The following DNAH9 variants were observed in gnomAD, a reference collection of about 807,000 sequenced individuals.
DNAH9 encodes the protein DNAH9 variant protein.
Under a neutral mutation model 471.6 loss-of-function variants are expected in DNAH9, and 345 were observed. The ratio of observed to expected loss-of-function variants is 0.73; its 90% CI spans 0.67 to 0.80. DNAH9 has a LOEUF of 0.80. DNAH9 is among the 30% of genes least tolerant of loss of function. The probability of loss-of-function intolerance (pLI) is 0.00; values close to 1 mark genes in which losing one functional copy is unlikely to be tolerated. For missense variants in DNAH9, 5,407 were observed against 5,609.2 expected, an observed-to-expected ratio of 0.96 and a Z score of 1.15; for synonymous variants, 2,093 against 2,123.6, an observed-to-expected ratio of 0.99 and a Z score of 0.40.
Position 11,636,644 on chromosome 17 carries a change from T to G in DNAH9, c.1646T>G (p.Ile549Arg). The change falls in exon 9 of 69, where the codon ATA (isoleucine) becomes AGA (arginine). Residue 549 changes from isoleucine (I) to arginine (R), a missense_variant. Transcript: ENST00000262442. ...GLEHAFKLLDIAGNLLERPLV... is the reference protein window; with the variant it reads ...GLEHAFKLLDRAGNLLERPLV... ...CCACCTTCCCTACAGCTGCTAGACATAGCAGGAAACCTCCTTGAAAGACCG... is the reference window on the plus strand; with the variant it reads ...CCACCTTCCCTACAGCTGCTAGACAGAGCAGGAAACCTCCTTGAAAGACCG... 7 of 1,613,778 alleles carry G rather than the reference T, an allele frequency of 4.3e-6. No homozygotes were observed. Among genetic ancestry groups the G allele is most frequent in the Non-Finnish European group, 4.2e-6 (5 of 1,179,710 alleles).
chr17:11,902,630 TAAGA>T, intron 59 of DNAH9, 85 bp from the exon 60 acceptor site: 1 of 1,183,476 alleles, frequency 8.4e-7, no homozygotes, highest in South Asian at 1.4e-5. Flanking sequence ...ATTGTGTAGA[TAAGA>T]CCATCTGGCC....
chr17:11,890,445 G>A (rs1332057793), intron 57 of DNAH9, among the ~76,000 whole-genome samples: 2 of 152,192 alleles, frequency 1.3e-5, no homozygotes, highest in Non-Finnish European at 2.9e-5. Context: ...ATGGAAGGGA[G>A]AAAGAAATTC....
chr17:11,746,317 G>A (rs1272597181), intron 31 of DNAH9, among the ~76,000 whole-genome samples: 1 of 152,206 alleles, frequency 6.6e-6, no homozygotes, highest in Non-Finnish European at 1.5e-5. Flanking sequence ...GAGAGAAAGA[G>A]TGGAGGGGAA....
At chr17:11,612,159 G>A (rs946711067) in intron 4 of DNAH9, 2 of 504,694 alleles carry the variant, frequency 4.0e-6, no homozygotes, top group Non-Finnish European at 7.1e-6. Context: ...AAACACTGGG[G>A]CCAGGACATA....
intron 49 of DNAH9, among the ~76,000 whole-genome samples, chr17:11,837,815 C>T (rs1166099540): frequency 1.3e-5 from 2 of 152,202 alleles, no homozygotes; most frequent in African/African-American, 4.8e-5. Context: ...TTTTGCCGTT[C>T]TACTCCACCC....
intron 52 of DNAH9, among the ~76,000 whole-genome samples, chr17:11,873,995 A>T (rs1972375786): frequency 6.6e-6 from 1 of 152,172 alleles, no homozygotes; most frequent in Non-Finnish European, 1.5e-5. Flanking sequence ...CTGTAATCCC[A>T]GTATTTTGGG....
chr17:11,852,911 AAG>A (rs1396361161), intron 49 of DNAH9, among the ~76,000 whole-genome samples: 2 of 145,710 alleles, frequency 1.4e-5, no homozygotes, highest in South Asian at 2.1e-4. Context: ...ATATATATAA[AAG>A]AAAGTATATA....
At chr17:11,759,971 C>G (rs1000836418) in intron 35 of DNAH9, among the ~76,000 whole-genome samples, 1 of 152,140 alleles carries the variant, frequency 6.6e-6, no homozygotes, top group Non-Finnish European at 1.5e-5. Flanking sequence ...CAGGCGTGAG[C>G]CACCGCACCC....
intron 14 of DNAH9, among the ~76,000 whole-genome samples, chr17:11,661,124 A>G (rs1011228061): frequency 2.0e-5 from 3 of 152,122 alleles, no homozygotes; most frequent in Non-Finnish European, 2.9e-5. Context: ...CACATTTATA[A>G]TTATTACAAC....
chr17:11,779,804 T>C (rs996764458), intron 38 of DNAH9, among the ~76,000 whole-genome samples: 1 of 152,228 alleles, frequency 6.6e-6, no homozygotes, highest in Admixed American at 6.5e-5. Flanking sequence ...AATTGGTTGA[T>C]AGTGTATGTT....
In DNAH9 at chr17:11,962,080, C is replaced by T. The variant is rs779769773; in HGVS notation, c.13057C>T (p.Gln4353Ter). ...GTGGCTGACAGGCTTCTTCAACCCC[C>T]AGTCGTTCCTGACTGCCATCATGCA... ...TVWLTGFFNP[Q>*]SFLTAIMQST... is the part of the protein sequence containing the mutation. The change falls in exon 68 of 69, where the codon CAG becomes TAG. Residue 4353 changes from glutamine to a stop codon, truncating the protein, a stop_gained. Coordinates refer to ENST00000262442, the MANE Select transcript of DNAH9 (RefSeq NM_001372.4). LOFTEE classifies it high-confidence loss of function. This position sits in a 1 kb window ranked among gnomAD's most constrained non-coding sequence, Gnocchi z 4.1. 6 of 1,614,062 alleles carry T rather than the reference C, an allele frequency of 3.7e-6. No individual in the cohort carries two copies. Among genetic ancestry groups the T allele is most frequent in the Non-Finnish European group, 3.4e-6 (4 of 1,180,054 alleles).
chr17:11,885,337 A>G (rs1972848658), intron 56 of DNAH9, among the ~76,000 whole-genome samples: 1 of 152,204 alleles, frequency 6.6e-6, no homozygotes, highest in Non-Finnish European at 1.5e-5. Context: ...TGGGAGCTGG[A>G]AGTGGTCACT....
chr17:11,797,576 A>G (rs1370984548), intron 42 of DNAH9, 21 bp from the exon 43 acceptor site: 1 of 1,596,710 alleles, frequency 6.3e-7, no homozygotes. Context: ...GAGGGCCCTT[A>G]TTCCTGTGTC....
At chr17:11,705,237 A>G (rs1036505835) in intron 26 of DNAH9, 52 bp downstream of exon 26, 15 of 1,539,930 alleles carry the variant, frequency 9.7e-6, no homozygotes, top group East Asian at 2.3e-5. Flanking sequence ...GGTTCAGGCC[A>G]GCTAGTGGGC....
chr17:11,963,907 T>G (rs1976464376), intron 68 of DNAH9, among the ~76,000 whole-genome samples: 1 of 151,818 alleles, frequency 6.6e-6, no homozygotes, highest in South Asian at 2.1e-4. Context: ...AGAATTGGAG[T>G]GATGTATCTA....
rs141552944 is a variant in DNAH9 at position 11,629,237 on chromosome 17, A to G, written c.1351-180A>G. 4.2e-3 allele frequency among the ~76,000 whole-genome samples: 637 copies of G among 151,826 alleles called. 6 individuals carry two copies. Among genetic ancestry groups the G allele is most frequent in the South Asian group, 8.7e-3 (42 of 4,802 alleles). ...AGCATTAGGTATATCTCCTAATGCT[A>G]TCCCTCCCCCATCCCCCCACCCCAC... On this transcript the variant is annotated intron_variant, in intron 6 of 68. Transcript: ENST00000262442.
rs767545060 is a variant in DNAH9 at position 11,694,314 on chromosome 17, C to T, written c.4746-7C>T. On this transcript the variant is annotated splice_region_variant and splice_polypyrimidine_tract_variant and intron_variant, in intron 21 of 68. Coordinates refer to ENST00000262442, the MANE Select transcript of DNAH9 (RefSeq NM_001372.4). ...TAACTGGGAAATTCTATGTTCTGTG[C>T]CCTCAGATTGTGCCTGTGTGAGAAG... The T allele has an allele frequency of 1.2e-6, 2 of 1,613,616 alleles. No individual in the cohort carries two copies. Among genetic ancestry groups the T allele is most frequent in the Admixed American group, 1.7e-5 (1 of 60,006 alleles).
chr17:11,859,719 C>A (rs534183716), intron 50 of DNAH9, among the ~76,000 whole-genome samples: 1 of 152,030 alleles, frequency 6.6e-6, no homozygotes, highest in Non-Finnish European at 1.5e-5. Flanking sequence ...TTGGCAAGAG[C>A]GGGAGCAAGA....
intron 61 of DNAH9, among the ~76,000 whole-genome samples, chr17:11,907,687 G>C (rs1597812779): frequency 6.6e-6 from 1 of 152,254 alleles, no homozygotes; most frequent in East Asian, 1.9e-4. Flanking sequence ...AACAGCATAT[G>C]CTTTGTGCCT....
Sources: allele counts gnomAD v4.1 joint callset (sites outside exome capture counted in the v4.1 genomes callset), GRCh38; gene constraint gnomAD v4.1.1; non-coding constraint Gnocchi (gnomAD v3.1); transcripts MANE v1.5; gene names NCBI Gene and HGNC (gene_info 2026-07-23, HGNC 2026-07-21).